Variants in POR observed in about 807,000 individuals in gnomAD.
The protein encoded by POR is NADPH--cytochrome P450 reductase.
In POR, 56 loss-of-function variants were observed where a neutral mutation model predicts 84.0. That is an observed-to-expected ratio of 0.67 (90% CI 0.54 to 0.83). The LOEUF (loss-of-function observed/expected upper bound fraction) is 0.83, where lower values mean the gene tolerates loss of function less well. Among genes scored for constraint, POR ranks in the 40% least tolerant of loss-of-function variants. The pLI is 0.00. For synonymous variants in POR, 414 were observed against 400.5 expected, an observed-to-expected ratio of 1.03 and a Z score of -0.40; for missense variants, 938 against 944.3, an observed-to-expected ratio of 0.99 and a Z score of 0.09.
intron 1 of POR, among the ~76,000 whole-genome samples, chr7:75,949,785 GC>G (rs1228304895): frequency 2.0e-5 from 3 of 152,056 alleles, no homozygotes; most frequent in Admixed American, 6.5e-5. Context: ...CTCCCAAAGT[GC>G]TGGGATTACA....
chr7:75,923,593 A>G, intron 1 of POR: 1 of 326,896 alleles, frequency 3.1e-6, no homozygotes, highest in South Asian at 2.9e-5. Context: ...GGGTCAAAGG[A>G]AAGACAGTGG....
chr7:75,967,644 C>CTT (rs11387286), intron 2 of POR, among the ~76,000 whole-genome samples: 19 of 146,470 alleles, frequency 1.3e-4, no homozygotes, highest in South Asian at 1.1e-3. Context: ...ACATGACTTC[C>CTT]TTTTTTTTTT....
At chr7:75,973,108 C>T (rs797039428) in intron 3 of POR, among the ~76,000 whole-genome samples, 18 of 152,236 alleles carry the variant, frequency 1.2e-4, no homozygotes, top group African/African-American at 4.3e-4. Flanking sequence ...CAGGCGTGAA[C>T]CACCGCACCC....
At position 75,981,002 on chromosome 7, in the gene POR, G is replaced by A. The variant is rs543108364; in HGVS notation, c.517-46G>A. ...CCTGCCCCCATGGCCCCTCCCACTG[G>A]TCAGGTCGAGGGCCAGGCCTCAGAG... is the stretch of plus-strand genomic sequence containing the variant. On this transcript the variant is annotated intron_variant, in intron 5 of 15. Coordinates refer to ENST00000461988, the MANE Select transcript of POR (RefSeq NM_000941.3). The A allele has an allele frequency of 4.6e-6, 7 of 1,514,268 alleles. No homozygotes were observed. The African/African-American group carries it at 9.7e-5, about 21-fold the overall frequency. 93.8% of individuals were successfully genotyped at this position (1,514,268 alleles called of 1,614,324 possible). A position where few individuals can be genotyped will look rare whatever the true frequency, so the allele number is the denominator to read the frequency against.
intron 2 of POR, among the ~76,000 whole-genome samples, chr7:75,968,714 T>C (rs757336587): frequency 3.3e-5 from 5 of 152,074 alleles, no homozygotes; most frequent in Non-Finnish European, 4.4e-5. Flanking sequence ...GGTTCCCTTT[T>C]CCCCCCTGGA....
rs1017168646 is a variant in POR, at chr7:75,928,350, C to T, written c.-5+13171C>T. 2.0e-5 allele frequency among the ~76,000 whole-genome samples: 3 copies of T among 152,186 alleles called. No individual in the cohort carries two copies. The East Asian group carries it at 5.8e-4, about 29-fold the overall frequency. On this transcript the variant is annotated intron_variant, in intron 1 of 15. Coordinates refer to ENST00000461988, the MANE Select transcript of POR (RefSeq NM_000941.3). ...CTCCCACCAGTTGTGCCTCCAGTTC[C>T]CTGTCATCTTGAGCTAGTCGTGGAC...
intron 1 of POR, among the ~76,000 whole-genome samples, chr7:75,941,104 G>A (rs1807959356): frequency 1.3e-5 from 2 of 152,178 alleles, no homozygotes; most frequent in Non-Finnish European, 2.9e-5. Context: ...AGGAGTATGA[G>A]GGTGCAGTGA....
At chr7:75,965,561 G>T (rs1345630094) in intron 2 of POR, among the ~76,000 whole-genome samples, 3 of 152,024 alleles carry the variant, frequency 2.0e-5, no homozygotes, top group African/African-American at 7.3e-5. Flanking sequence ...CTTTGTGCCA[G>T]ATCAGATGAT....
intron 1 of POR, among the ~76,000 whole-genome samples, chr7:75,940,018 C>T (rs1210344962): frequency 6.6e-6 from 1 of 151,880 alleles, no homozygotes; most frequent in Non-Finnish European, 1.5e-5. Flanking sequence ...TCCTGCCTTA[C>T]CTCCCAAATA....
intron 2 of POR, among the ~76,000 whole-genome samples, chr7:75,961,733 G>T (rs544416813): frequency 2.0e-4 from 30 of 152,276 alleles, no homozygotes; most frequent in African/African-American, 6.7e-4. Context: ...TCAAGGACTC[G>T]CCAGGCATGG....
At chr7:75,975,930 G>T (rs1055861615) in intron 3 of POR, among the ~76,000 whole-genome samples, 5 of 150,984 alleles carry the variant, frequency 3.3e-5, no homozygotes, top group Non-Finnish European at 5.9e-5. Context: ...GGGATTACAG[G>T]TGTGAGCCAC....
intron 1 of POR, among the ~76,000 whole-genome samples, chr7:75,926,674 A>C (rs1807148012): frequency 6.6e-6 from 1 of 152,090 alleles, no homozygotes; most frequent in African/African-American, 2.4e-5. Context: ...CATGCCTGTA[A>C]TCCCAGCTAC....
intron 4 of POR, 25 bp from the exon 5 acceptor site, chr7:75,980,314 C>G (rs376964951): frequency 1.2e-6 from 2 of 1,606,144 alleles, no homozygotes; most frequent in South Asian, 2.2e-5. Context: ...ATGGCCGGGG[C>G]GCGGTCCTGT....
chr7:75,951,836 C>T (rs1265001895), intron 1 of POR, among the ~76,000 whole-genome samples: 2 of 152,258 alleles, frequency 1.3e-5, no homozygotes, highest in African/African-American at 4.8e-5. Context: ...TTTGTTGACT[C>T]ATGTCACGTC....
chr7:75,943,932 C>T, intron 1 of POR: 1 of 446,722 alleles, frequency 2.2e-6, no homozygotes, highest in Non-Finnish European at 4.4e-6. Flanking sequence ...GGGAAATTTG[C>T]AAAAGGGAGA....
Position 75,930,474 on chromosome 7 carries a change from C to A in POR, c.-5+15295C>A, listed in dbSNP as rs188744802. On this transcript the variant is annotated intron_variant, in intron 1 of 15. Transcript: ENST00000461988. The stretch of plus-strand genomic sequence containing the variant: ...TCCAGCCTGGACAACAGAGCAAGAC[C>A]CTGTCTAAAAATAAATAAAATAAAA... 8.2e-4 allele frequency among the ~76,000 whole-genome samples: 124 copies of A among 152,012 alleles called. 2 individuals carry two copies. The East Asian group carries it at 0.019, about 24-fold the overall frequency.
intron 3 of POR, chr7:75,972,798 T>A (rs1160390374): frequency 2.8e-6 from 1 of 361,790 alleles, no homozygotes; most frequent in Non-Finnish European, 5.2e-6. Context: ...GTGGCACCAC[T>A]GCCATTTTCT....
intron 1 of POR, among the ~76,000 whole-genome samples, chr7:75,936,900 C>G (rs1238208488): frequency 1.4e-5 from 2 of 148,054 alleles, no homozygotes; most frequent in Non-Finnish European, 3.0e-5. Context: ...GATCTTGGCT[C>G]ACTGCAAACT....
chr7:75,982,438 C>T lies in POR; in HGVS notation c.830+116C>T, dbSNP rs3815455. ...AGGGCCCTTCTCACCAGACCCCGTGCCCCGAGTGGGTGTGAGTGTCCACGA... is the reference window on the plus strand; with the variant it reads ...AGGGCCCTTCTCACCAGACCCCGTGTCCCGAGTGGGTGTGAGTGTCCACGA... On this transcript the variant is annotated intron_variant, in intron 8 of 15. Transcript: ENST00000461988. 247,028 of 847,838 alleles carry T rather than the reference C, an allele frequency of 0.29. 38,174 individuals are homozygous for T. Among genetic ancestry groups the T allele is most frequent in the East Asian group, 0.4 (14,794 of 37,106 alleles). 52.5% of individuals were successfully genotyped at this position (847,838 alleles called of 1,614,324 possible).
Sources: allele counts gnomAD v4.1 joint callset (sites outside exome capture counted in the v4.1 genomes callset), GRCh38; gene constraint gnomAD v4.1.1; transcripts MANE v1.5; gene names NCBI Gene and HGNC (gene_info 2026-07-23, HGNC 2026-07-21).